NCOR1: variants seen among roughly 807,000 people sequenced by gnomAD.
NCOR1 encodes the protein nuclear receptor corepressor 1, also known as protein phosphatase 1, regulatory subunit 109.
In NCOR1, 63 loss-of-function variants were observed where a neutral mutation model predicts 288.1. The observed-to-expected ratio is 0.22, with a 90% CI of 0.18 to 0.27. The LOEUF is 0.27. Among genes scored for constraint, NCOR1 ranks in the 10% least tolerant of loss-of-function variants. The probability of loss-of-function intolerance (pLI) is 1.00; values close to 1 mark genes in which losing one functional copy is unlikely to be tolerated. For synonymous variants in NCOR1, 1,007 were observed against 1,065.9 expected (o/e 0.94, Z 1.08); for missense variants, 2,397 against 3,019.2 (o/e 0.79, Z 4.83).
At chr17:16,141,521 T>C (rs2077157788) in intron 11 of NCOR1, among the ~76,000 whole-genome samples, 2 of 152,158 alleles carry the variant, frequency 1.3e-5, no homozygotes, top group Non-Finnish European at 2.9e-5. Flanking sequence ...GAGCATACTA[T>C]ATACTTTTAT....
chr17:16,044,497 C>G (rs1323493469), intron 42 of NCOR1: 1 of 479,416 alleles, frequency 2.1e-6, no homozygotes, highest in Admixed American at 2.3e-5. Context: ...ATCGTCCTTT[C>G]CTCAGCTGCC....
intron 30 of NCOR1, among the ~76,000 whole-genome samples, chr17:16,070,907 T>C (rs1435599179): frequency 1.3e-5 from 2 of 152,036 alleles, no homozygotes; most frequent in African/African-American, 4.8e-5. Flanking sequence ...CAGGTACCTG[T>C]AATCTCAGCT....
intron 1 of NCOR1, among the ~76,000 whole-genome samples, 191 bp downstream of exon 1, chr17:16,215,171 G>A (rs895957649): frequency 1.3e-5 from 2 of 152,166 alleles, no homozygotes; most frequent in African/African-American, 4.8e-5. Context: ...TCCCCGCCGC[G>A]CCCGGCTCTC....
At chr17:16,117,515 A>G (rs1438992956) in intron 18 of NCOR1, among the ~76,000 whole-genome samples, 11 of 37,812 alleles carry the variant, frequency 2.9e-4, no homozygotes, top group South Asian at 1.0e-3. Context: ...TGGAGCTCAG[A>G]AAAAAAAAAA....
intron 32 of NCOR1, 23 bp downstream of exon 32, chr17:16,067,871 T>G: frequency 6.3e-6 from 10 of 1,589,440 alleles, no homozygotes; most frequent in Middle Eastern, 1.8e-4. Flanking sequence ...TTGCCATAAA[T>G]TATCACTATA....
intron 15 of NCOR1, among the ~76,000 whole-genome samples, chr17:16,123,797 C>G (rs1473575912): frequency 6.6e-6 from 1 of 152,168 alleles, no homozygotes; most frequent in Non-Finnish European, 1.5e-5. Flanking sequence ...CTTAACTGGT[C>G]GTCTGTTGAC....
intron 37 of NCOR1, among the ~76,000 whole-genome samples, 192 bp downstream of exon 37, chr17:16,061,209 T>C (rs536217926): frequency 3.3e-5 from 5 of 152,356 alleles, no homozygotes; most frequent in East Asian, 1.9e-4. Context: ...TTGTGGAAGA[T>C]ACATTGATAG....
At chr17:16,207,118 T>C (rs1188538972) in intron 1 of NCOR1, among the ~76,000 whole-genome samples, 1 of 152,160 alleles carries the variant, frequency 6.6e-6, no homozygotes, top group East Asian at 1.9e-4. Flanking sequence ...TTGATTTCAT[T>C]CCAAATACCT....
chr17:16,135,174 A>C (rs183091695), intron 14 of NCOR1, among the ~76,000 whole-genome samples: 7 of 151,506 alleles, frequency 4.6e-5, no homozygotes, highest in African/African-American at 1.7e-4. Flanking sequence ...AAAAAAAAAA[A>C]AAAAAAAACT....
At chr17:16,183,579 A>T (rs1240273697) in intron 3 of NCOR1, among the ~76,000 whole-genome samples, 23 of 152,128 alleles carry the variant, frequency 1.5e-4, no homozygotes, top group Admixed American at 1.5e-3. Flanking sequence ...AACACTGATT[A>T]AAAAACTGAA....
chr17:16,177,823 A>G (rs1241151631), intron 3 of NCOR1, among the ~76,000 whole-genome samples: 1 of 152,126 alleles, frequency 6.6e-6, no homozygotes, highest in Non-Finnish European at 1.5e-5. Context: ...CACCAATTGA[A>G]ATTTTCTCCA....
In NCOR1 at chr17:16,031,278, A is replaced by C. The variant is rs777293742; in HGVS notation, c.*1018T>G. ...AGGATGCAGCATAAAGCTTATCTAA[A>C]TACTACACAGATCATTATCTTTTAA... On this transcript the variant is annotated 3_prime_UTR_variant, in exon 46 of 46. Coordinates refer to ENST00000268712, the MANE Select transcript of NCOR1 (RefSeq NM_006311.4). 5.1e-6 allele frequency: 1 copy of C among 195,026 alleles called. No homozygotes were observed. The highest frequency in any genetic ancestry group is 1.1e-5 in the Non-Finnish European group (1 of 93,716). 12.1% of individuals were successfully genotyped at this position (195,026 alleles called of 1,614,324 possible).
At chr17:16,139,630 C>A (rs2076887099) in intron 11 of NCOR1, among the ~76,000 whole-genome samples, 1 of 152,104 alleles carries the variant, frequency 6.6e-6, no homozygotes, top group South Asian at 2.1e-4. Flanking sequence ...AATAAGCAAA[C>A]AGGCATCAAA....
Position 16,031,870 on chromosome 17 carries a change from A to T in NCOR1, c.*426T>A, listed in dbSNP as rs1972066917. ...GTTAAAAAGATAGATAGACAAAAAG[A>T]TTTTTAAAAATCACCCCCAAAGTTG... On this transcript the variant is annotated 3_prime_UTR_variant, in exon 46 of 46. Transcript: ENST00000268712. 4.3e-6 allele frequency: 1 copy of T among 234,656 alleles called. No homozygotes were observed. Among genetic ancestry groups the T allele is most frequent in the Non-Finnish European group, 8.4e-6 (1 of 119,334 alleles). The allele number at this position is 234,656 out of a possible 1,614,324, so 14.5% of individuals were successfully genotyped here.
intron 3 of NCOR1, among the ~76,000 whole-genome samples, chr17:16,184,862 A>G (rs978389923): frequency 4.6e-5 from 7 of 152,134 alleles, no homozygotes; most frequent in Non-Finnish European, 8.8e-5. Flanking sequence ...GTATATATAC[A>G]CTATGGAATA....
At chr17:16,095,355 G>A (rs1225528819) in intron 21 of NCOR1, among the ~76,000 whole-genome samples, 2 of 151,244 alleles carry the variant, frequency 1.3e-5, no homozygotes, top group Non-Finnish European at 3.0e-5. Flanking sequence ...GAAGTGAGGA[G>A]CGTCTCCGCC....
chr17:16,092,683 ATATATATATATATTTTTTTT>A (rs2065537769), intron 21 of NCOR1, among the ~76,000 whole-genome samples: 10 of 17,820 alleles, frequency 5.6e-4, no homozygotes, highest in African/African-American at 1.1e-3. Flanking sequence ...ATATATATAT[ATATATATATATATTTTTTTT>A]TTTTTTTTTT....
chr17:16,033,567 A>AT (rs1972980929), intron 45 of NCOR1, among the ~76,000 whole-genome samples: 1 of 152,010 alleles, frequency 6.6e-6, no homozygotes, highest in Admixed American at 6.6e-5. Flanking sequence ...CACATTTCAG[A>AT]TTTTTTTCAG....
At chr17:16,060,400 A>G (rs1353411189) in intron 37 of NCOR1, among the ~76,000 whole-genome samples, 3 of 152,240 alleles carry the variant, frequency 2.0e-5, no homozygotes, top group African/African-American at 7.2e-5. Flanking sequence ...GGGATCTCCC[A>G]GTGTGCCGGT....
Sources: gnomAD v4.1 joint callset for allele counts (sites outside exome capture counted in the v4.1 genomes callset) on GRCh38, gnomAD v4.1.1 for gene constraint, MANE v1.5 for transcripts, NCBI Gene and HGNC (gene_info 2026-07-23, HGNC 2026-07-21) for gene names.